Variants in CUL4B observed in about 807,000 individuals in gnomAD.
CUL4B encodes cullin-4B.
Under a neutral mutation model 69.2 loss-of-function variants are expected in CUL4B, and 1 was observed. That is an observed-to-expected ratio of 0.01 (90% CI 0.01 to 0.07). The LOEUF is 0.07. Among genes scored for constraint, CUL4B ranks in the 10% least tolerant of loss-of-function variants. The pLI is 1.00. For missense variants in CUL4B, 328 were observed against 638.8 expected (o/e 0.51, Z 5.24); for synonymous variants, 237 against 223.2 (o/e 1.06, Z -0.55).
At chrX:120,532,342 G>T (rs1262685648) in intron 18 of CUL4B, 80 bp downstream of exon 18, 3 of 740,099 alleles carry the variant, frequency 4.1e-6, no homozygotes, top group Non-Finnish European at 6.1e-6. Flanking sequence ...AGTATTACAG[G>T]TATAAAAATC....
At chrX:120,567,400 T>A (rs903261310), downstream of CUL4B, among the ~76,000 whole-genome samples, 5 of 110,342 alleles carry the variant, frequency 4.5e-5, no homozygotes, top group African/African-American at 6.6e-5. Flanking sequence ...GTGGTAGGAT[T>A]ACAGGCATGA....
In CUL4B at chrX:120,544,963, A is replaced by C. The variant is rs6646682; in HGVS notation, c.921-320T>G. On this transcript the variant is annotated intron_variant, in intron 5 of 19. Transcript: ENST00000371322. Reference sequence around the variant, plus strand: ...CAAAATTAGTTCTAAGACATAAAACAGTTTTCACTGTACTGGTATTGAAAG... The same window carrying C: ...CAAAATTAGTTCTAAGACATAAAACCGTTTTCACTGTACTGGTATTGAAAG... Among the ~76,000 whole-genome samples the C allele has an allele frequency of 4.8e-3, 535 of 112,508 alleles. 18 individuals are homozygous for C. The East Asian group carries it at 0.13, about 27-fold the overall frequency.
intron 19 of CUL4B, among the ~76,000 whole-genome samples, chrX:120,527,059 ATTCT>A (rs1923013259): frequency 9.2e-6 from 1 of 109,072 alleles, no homozygotes; most frequent in Non-Finnish European, 1.9e-5. Flanking sequence ...CACGTTGAAG[ATTCT>A]TTTTTTTTTT....
chrX:120,568,392 A>C (rs1463498322), downstream of CUL4B, among the ~76,000 whole-genome samples: 1 of 112,075 alleles, frequency 8.9e-6, no homozygotes, highest in African/African-American at 3.2e-5. Flanking sequence ...TTTATAAGCA[A>C]AGCAGAGAGC....
downstream of CUL4B, among the ~76,000 whole-genome samples, chrX:120,568,534 C>A (rs186515200): frequency 1.1e-3 from 120 of 111,742 alleles, 1 homozygote; most frequent in African/African-American, 3.6e-3. Flanking sequence ...TTTATTCCCA[C>A]CAACAGCATT....
intron 14 of CUL4B, 84 bp downstream of exon 14, chrX:120,538,040 T>C (rs1195480275): frequency 4.4e-6 from 3 of 675,953 alleles, no homozygotes; most frequent in Non-Finnish European, 7.0e-6. Context: ...CACGTTTCTA[T>C]TTATCCTCTT....
At chrX:120,551,193 CTGATTA>C (rs1460816626) in intron 2 of CUL4B, among the ~76,000 whole-genome samples, 1 of 111,145 alleles carries the variant, frequency 9.0e-6, no homozygotes, top group African/African-American at 3.3e-5. Context: ...CATCTCATGT[CTGATTA>C]TAACTTTTCT....
intron 2 of CUL4B, among the ~76,000 whole-genome samples, chrX:120,555,969 T>C (rs1173385644): frequency 3.0e-5 from 3 of 100,569 alleles, no homozygotes; most frequent in Non-Finnish European, 6.0e-5. Flanking sequence ...AAAGTGGGGA[T>C]AGTAACTACT....
intron 16 of CUL4B, among the ~76,000 whole-genome samples, chrX:120,534,921 G>C (rs1021657242): frequency 2.7e-5 from 3 of 111,605 alleles, no homozygotes; most frequent in African/African-American, 9.8e-5. Context: ...TTTTTGATTT[G>C]TTTGGCTCAG....
chrX:120,566,360 T>TATAC (rs1925527964), upstream of CUL4B, among the ~76,000 whole-genome samples: 1 of 53,251 alleles, frequency 1.9e-5, no homozygotes, highest in Admixed American at 1.9e-4. Context: ...TATATATATA[T>TATAC]ATATATATAT....
chrX:120,561,853 T>C (rs1925341067), upstream of CUL4B, among the ~76,000 whole-genome samples: 1 of 111,095 alleles, frequency 9.0e-6, no homozygotes. Flanking sequence ...GAAAACGAGC[T>C]AAGATAGGAA....
chrX:120,542,721 AG>A (rs1464924556), intron 9 of CUL4B, among the ~76,000 whole-genome samples: 5 of 111,790 alleles, frequency 4.5e-5, no homozygotes, highest in Non-Finnish European at 9.4e-5. Flanking sequence ...CTGATACTAC[AG>A]GCACATATCA....
Position 120,560,195 on chromosome X carries a change from A to G in CUL4B, c.444T>C (p.Ser148=). 8.3e-7 allele frequency: 1 copy of G among 1,211,810 alleles called. No homozygotes were observed. The highest frequency in any genetic ancestry group is 1.1e-6 in the Non-Finnish European group (1 of 895,438). ...QLKNKSILIS[S]VASVHHANGL... is the part of the protein sequence containing the mutation. ...CGTTTGCATGATGCACCGAAGCCAC[A>G]GAAGAGATTAATATACTCTTATTTT... is the stretch of plus-strand genomic sequence containing the variant. The change falls in exon 1 of 20, where the codon TCT becomes TCC. Residue 148 remains serine (S), a synonymous_variant. Coordinates refer to ENST00000371322, the MANE Select transcript of CUL4B (RefSeq NM_001079872.2).
At chrX:120,557,747 T>C (rs1009082997) in intron 2 of CUL4B, among the ~76,000 whole-genome samples, 177 bp downstream of exon 2, 2 of 111,924 alleles carry the variant, frequency 1.8e-5, no homozygotes, top group Admixed American at 9.5e-5. Flanking sequence ...GGTATGACTG[T>C]ACCCATGGTT....
chrX:120,535,702 CTCAAAAAA>C, intron 16 of CUL4B, 120 bp downstream of exon 16: 1 of 323,849 alleles, frequency 3.1e-6, no homozygotes, highest in Non-Finnish European at 5.1e-6. Context: ...GAGACTCTGT[CTCAAAAAA>C]AAAAAAAAAA....
chrX:120,553,316 T>C (rs1924794235), intron 2 of CUL4B, among the ~76,000 whole-genome samples: 1 of 111,925 alleles, frequency 8.9e-6, no homozygotes. Context: ...TAATAATCAC[T>C]GACTGCTTAA....
At chrX:120,550,888 A>T (rs1012598766) in intron 2 of CUL4B, among the ~76,000 whole-genome samples, 4 of 111,821 alleles carry the variant, frequency 3.6e-5, no homozygotes, top group African/African-American at 1.3e-4. Flanking sequence ...TCATTTATGT[A>T]AAAAAGGAAC....
At chrX:120,528,970 A>G (rs1279142427) in intron 19 of CUL4B, among the ~76,000 whole-genome samples, 3 of 111,875 alleles carry the variant, frequency 2.7e-5, no homozygotes, top group Non-Finnish European at 3.8e-5. Context: ...GTTTTTCAGG[A>G]TAAGTAAAAT....
In CUL4B at chrX:120,525,178, T is replaced by C. The variant is rs753737857; in HGVS notation, c.*1583A>G. On this transcript the variant is annotated 3_prime_UTR_variant, in exon 20 of 20. Coordinates refer to ENST00000371322, the MANE Select transcript of CUL4B (RefSeq NM_001079872.2). ...GCAAGTTGATGCAACTAGAAAGAAA[T>C]AGACGACTTTTTAAAATACCTGGCC... is the stretch of plus-strand genomic sequence containing the variant. 2.7e-5 allele frequency: 3 copies of C among 111,920 alleles called. No individual in the cohort carries two copies. Among genetic ancestry groups the C allele is most frequent in the East Asian group, 2.8e-4 (1 of 3,549 alleles). The allele number at this position is 111,920 out of a possible 1,213,427, so 9.2% of individuals were successfully genotyped here.
Sources: gnomAD v4.1 joint callset for allele counts (sites outside exome capture counted in the v4.1 genomes callset) on GRCh38, gnomAD v4.1.1 for gene constraint, MANE v1.5 for transcripts, NCBI Gene and HGNC (gene_info 2026-07-23, HGNC 2026-07-21) for gene names.